Variants in ADAM12 observed in about 807,000 individuals in gnomAD.
ADAM12 encodes ADAM metallopeptidase domain 12.
ADAM12 carries 70 observed loss-of-function variants against 106.4 expected under a neutral mutation model. That is an observed-to-expected ratio of 0.66 (90% CI 0.54 to 0.80). The LOEUF is 0.80. ADAM12 is among the 30% of genes least tolerant of loss of function. ADAM12 has a pLI of 0.00. For missense variants in ADAM12, 1,010 were observed against 1,171.9 expected, an observed-to-expected ratio of 0.86 and a Z score of 2.02; for synonymous variants, 420 against 433.5, an observed-to-expected ratio of 0.97 and a Z score of 0.39.
chr10:126,192,370 C>T (rs1021623147), intron 3 of ADAM12, among the ~76,000 whole-genome samples: 3 of 152,140 alleles, frequency 2.0e-5, no homozygotes, highest in Non-Finnish European at 2.9e-5. Flanking sequence ...ACATTGAGCA[C>T]CCTGTCTGCT....
At chr10:126,304,350 C>T (rs112375966) in intron 2 of ADAM12, among the ~76,000 whole-genome samples, 2,087 of 150,212 alleles carry the variant, frequency 0.014, 42 homozygotes, top group African/African-American at 0.046. Flanking sequence ...GGGAGAAAAA[C>T]AAAAAACCCA....
At chr10:126,278,072 C>G (rs943531271) in intron 3 of ADAM12, among the ~76,000 whole-genome samples, 5 of 152,168 alleles carry the variant, frequency 3.3e-5, no homozygotes, top group Non-Finnish European at 7.3e-5. Context: ...CAGAAAAAAT[C>G]ACCATCCTGC....
chr10:126,287,968 A>T (rs990387468), intron 2 of ADAM12, among the ~76,000 whole-genome samples: 6 of 151,550 alleles, frequency 4.0e-5, no homozygotes, highest in African/African-American at 1.5e-4. Flanking sequence ...CCTCTGTAGG[A>T]TGAAGGGTAC....
chr10:126,121,423 AATATATTAT>A (rs1293711482), intron 5 of ADAM12, among the ~76,000 whole-genome samples: 1 of 131,644 alleles, frequency 7.6e-6, no homozygotes, highest in Non-Finnish European at 1.6e-5. Context: ...TATAATATGC[AATATATTAT>A]ATATTGCATA....
intron 1 of ADAM12, among the ~76,000 whole-genome samples, chr10:126,384,191 T>A (rs1590850577): frequency 6.6e-6 from 1 of 152,184 alleles, no homozygotes; most frequent in Non-Finnish European, 1.5e-5. Context: ...ATCACATCAG[T>A]GACCTGACAC....
chr10:126,272,777 T>C (rs1395962666), intron 3 of ADAM12: 4 of 282,610 alleles, frequency 1.4e-5, no homozygotes, highest in African/African-American at 9.0e-5. Context: ...GGCCATGTGC[T>C]GCCTCCAGGG....
In ADAM12 at chr10:126,012,471, C is replaced by T. The variant is rs954738317; in HGVS notation, c.*4808G>A. The T allele has an allele frequency of 6.6e-6, 1 of 152,128 alleles. No homozygotes were observed. Among genetic ancestry groups the T allele is most frequent in the African/African-American group, 2.4e-5 (1 of 41,408 alleles). The allele number at this position is 152,128 out of a possible 1,614,324, so 9.4% of individuals were successfully genotyped here. ...GAAATAGCAGTTTGTGTTTACCTGT[C>T]GAACCCCAATATGAGAAATGTGTAC... On this transcript the variant is annotated 3_prime_UTR_variant, in exon 23 of 23. Coordinates refer to ENST00000448723, the MANE Select transcript of ADAM12 (RefSeq NM_001288973.2).
chr10:126,220,966 C>T lies in ADAM12; in HGVS notation c.260+57949G>A, dbSNP rs142889517. On this transcript the variant is annotated intron_variant, in intron 3 of 22. Coordinates refer to ENST00000448723, the MANE Select transcript of ADAM12 (RefSeq NM_001288973.2). Reference sequence around the variant, plus strand: ...GCTTCCAGAACACATTCTGATCCCACCCCGTTAGGGGACGAAACAAAGCCT... The same window carrying T: ...GCTTCCAGAACACATTCTGATCCCATCCCGTTAGGGGACGAAACAAAGCCT... 4.5e-4 allele frequency among the ~76,000 whole-genome samples: 69 copies of T among 152,398 alleles called. 1 individual carries two copies. Among genetic ancestry groups the T allele is most frequent in the Admixed American group, 2.4e-3 (37 of 15,312 alleles).
intron 21 of ADAM12, among the ~76,000 whole-genome samples, chr10:126,032,588 C>T (rs1156798140): frequency 6.6e-6 from 1 of 152,080 alleles, no homozygotes; most frequent in Non-Finnish European, 1.5e-5. Context: ...GGTCTGTTAG[C>T]CCCAGTTTGA....
At position 126,066,018 on chromosome 10, in the gene ADAM12, G is replaced by A. The variant is rs1489772340; in HGVS notation, c.1413+699C>T. On this transcript the variant is annotated intron_variant, in intron 13 of 22. Transcript: ENST00000448723. The surrounding 1 kb of genome is among the most constrained non-coding windows in gnomAD (Gnocchi z 5.1). ...TGCACTTCTAAATCACCGTGCTCAC[G>A]TGGGGCAGCTAAGAGGGAGTTTCCT... is the stretch of plus-strand genomic sequence containing the variant. 6.6e-6 allele frequency among the ~76,000 whole-genome samples: 1 copy of A among 152,160 alleles called. No homozygotes were observed. The highest frequency in any genetic ancestry group is 1.5e-5 in the Non-Finnish European group (1 of 68,032).
At chr10:126,359,767 G>A (rs1297631795) in intron 1 of ADAM12, among the ~76,000 whole-genome samples, 1 of 152,208 alleles carries the variant, frequency 6.6e-6, no homozygotes, top group African/African-American at 2.4e-5. Context: ...GGGTCTGGAG[G>A]ATGGGGCGGC....
chr10:126,229,259 G>T (rs906009915), intron 3 of ADAM12, among the ~76,000 whole-genome samples: 1 of 152,126 alleles, frequency 6.6e-6, no homozygotes, highest in Non-Finnish European at 1.5e-5. Context: ...TTATCAATTG[G>T]CCTGAAAGTT....
At chr10:126,343,997 T>C (rs943469530) in intron 1 of ADAM12, among the ~76,000 whole-genome samples, 2 of 152,238 alleles carry the variant, frequency 1.3e-5, no homozygotes, top group Admixed American at 1.3e-4. Flanking sequence ...TGGTAGTTTC[T>C]TTTGCTGTGC....
chr10:126,263,061 T>C (rs995389912), intron 3 of ADAM12, among the ~76,000 whole-genome samples: 1 of 152,236 alleles, frequency 6.6e-6, no homozygotes, highest in Non-Finnish European at 1.5e-5. Context: ...CAGGGTTTCC[T>C]GGTTCACTGA....
intron 16 of ADAM12, among the ~76,000 whole-genome samples, chr10:126,048,754 C>T (rs769127703): frequency 1.3e-5 from 2 of 151,102 alleles, no homozygotes; most frequent in Non-Finnish European, 2.9e-5. Context: ...TATTTCTAAA[C>T]CTCAAAATAT....
chr10:126,194,846 T>C (rs555967492), intron 3 of ADAM12, among the ~76,000 whole-genome samples: 1 of 152,328 alleles, frequency 6.6e-6, no homozygotes, highest in South Asian at 2.1e-4. Flanking sequence ...CACAGAATGC[T>C]AGGAACATCT....
intron 3 of ADAM12, among the ~76,000 whole-genome samples, chr10:126,263,893 A>T (rs1456053710): frequency 6.6e-6 from 1 of 152,246 alleles, no homozygotes; most frequent in African/African-American, 2.4e-5. Flanking sequence ...TGGATCAGGA[A>T]GTACTTACAG....
Position 126,286,979 on chromosome 10 carries a change from G to T in ADAM12, c.187-7991C>A, listed in dbSNP as rs572005536. ...GTTTCTGCAGCATGATAGAGTCTTG[G>T]TTTTTCAGCTTGCTTCTCCCTCCCT... On this transcript the variant is annotated intron_variant, in intron 2 of 22. Coordinates refer to ENST00000448723, the MANE Select transcript of ADAM12 (RefSeq NM_001288973.2). 2.0e-5 allele frequency among the ~76,000 whole-genome samples: 3 copies of T among 152,240 alleles called. No individual in the cohort carries two copies. In the East Asian group the frequency reaches 5.8e-4, roughly 29 times the overall value.
intron 2 of ADAM12, among the ~76,000 whole-genome samples, chr10:126,301,236 C>T (rs17154697): frequency 0.022 from 3,406 of 152,288 alleles, 130 homozygotes; most frequent in African/African-American, 0.078. Flanking sequence ...TCTTGAATAG[C>T]TGCATTTAAC....
Sources: allele counts gnomAD v4.1 joint callset (sites outside exome capture counted in the v4.1 genomes callset), GRCh38; gene constraint gnomAD v4.1.1; non-coding constraint Gnocchi (gnomAD v3.1); transcripts MANE v1.5; gene names NCBI Gene and HGNC (gene_info 2026-07-23, HGNC 2026-07-21).